TATDN2: variants seen among roughly 807,000 people sequenced by gnomAD.
The protein encoded by TATDN2 is TatD DNase domain containing 2.
A neutral mutation model predicts 60.3 loss-of-function variants in TATDN2; 44 were observed. That is an observed-to-expected ratio of 0.73 (90% confidence interval 0.57 to 0.94). The LOEUF (loss-of-function observed/expected upper bound fraction) is 0.94. Ranked by LOEUF, TATDN2 falls within the 40% of genes least tolerant of loss-of-function variation. The pLI, the probability that TATDN2 is intolerant of heterozygous loss-of-function variation, is 0.00. For missense variants in TATDN2, 997 were observed against 948.0 expected (o/e 1.05, Z -0.68); for synonymous variants, 399 against 355.8 (o/e 1.12, Z -1.37).
In TATDN2 at chr3:10,270,375, C is replaced by T. The variant is rs758008127; in HGVS notation, c.1193C>T (p.Thr398Ile). Residue 398 changes from threonine to isoleucine, a missense_variant, in exon 4 of 8, where the codon ACA becomes ATA. Physicochemically the swap from Thr to Ile is moderately conservative, Grantham distance 89. Transcript: ENST00000448281. Reference sequence around the variant, plus strand: ...CCCAAGCCTTCTAGCTACCCCTCCACAGGCAGCAGCAGCAACGATGCAGCC... The same window carrying T: ...CCCAAGCCTTCTAGCTACCCCTCCATAGGCAGCAGCAGCAACGATGCAGCC... ...SSPKPSSYPS[T>I]GSSSNDAAQV... The T allele has an allele frequency of 1.9e-6, 3 of 1,614,188 alleles. No individual in the cohort carries two copies. Among genetic ancestry groups the T allele is most frequent in the Non-Finnish European group, 2.5e-6 (3 of 1,180,042 alleles).
At chr3:10,251,490 A>G (rs780500645) in intron 2 of TATDN2, among the ~76,000 whole-genome samples, 4 of 152,102 alleles carry the variant, frequency 2.6e-5, no homozygotes, top group East Asian at 1.9e-4. Context: ...GGTTCAAACA[A>G]TTCTCCTGCC....
intron 2 of TATDN2, 55 bp from the exon 3 acceptor site, chr3:10,260,082 C>T (rs1698376058): frequency 6.5e-7 from 1 of 1,544,474 alleles, no homozygotes; most frequent in African/African-American, 1.4e-5. Flanking sequence ...CCAAATGCTT[C>T]ATGTACGAAA....
Position 10,270,773 on chromosome 3 carries a change from C to A in TATDN2, c.1591C>A (p.Gln531Lys). The A allele has an allele frequency of 6.2e-7, 1 of 1,614,228 alleles. No homozygotes were observed. Residue 531 changes from glutamine (Q) to lysine (K), a missense_variant, in exon 4 of 8, where the codon CAG becomes AAG. Gln to Lys is a moderately conservative substitution (Grantham distance 53). Coordinates refer to ENST00000448281, the MANE Select transcript of TATDN2 (RefSeq NM_014760.4). ...CAGCAGCTCCTTCCCTAAGGAATTT[C>A]AGGGCTGCATCTCTGACTTCTGTGA... ...IYSSSFPKEF[Q>K]GCISDFCDPR...
At chr3:10,265,043 G>A (rs1576010961) in intron 3 of TATDN2, among the ~76,000 whole-genome samples, 1 of 114,288 alleles carries the variant, frequency 8.7e-6, no homozygotes, top group African/African-American at 3.3e-5. Context: ...TCCTGTGCGT[G>A]GTTTTTTTTT....
Position 10,276,461 on chromosome 3 carries a change from T to C in TATDN2, c.1934T>C (p.Phe645Ser). Residue 645 changes from phenylalanine to serine, a missense_variant, in exon 5 of 8, where the codon TTT (phenylalanine) becomes TCT (serine). Physicochemically the swap from Phe to Ser is radical, Grantham distance 155 (BLOSUM62 -2). Transcript: ENST00000448281. ...DEDLLEIMKK[F>S]VPPDYKIHRH... ...GATCTGCTAGAAATCATGAAAAAGT[T>C]TGTGCCCCCTGACTACAAGATCCAT... The C allele has an allele frequency of 6.2e-7, 1 of 1,614,104 alleles. No individual in the cohort carries two copies.
intron 3 of TATDN2, among the ~76,000 whole-genome samples, chr3:10,265,567 A>C (rs1439989984): frequency 1.3e-5 from 2 of 148,776 alleles, no homozygotes; most frequent in African/African-American, 2.5e-5. Context: ...CTGTAGTCCC[A>C]GGTGCTGGGG....
At chr3:10,272,487 G>A (rs1219137710) in intron 4 of TATDN2, among the ~76,000 whole-genome samples, 1 of 151,098 alleles carries the variant, frequency 6.6e-6, no homozygotes. Flanking sequence ...TGGCCAGGCT[G>A]GAGTGCAATC....
In TATDN2 at chr3:10,278,434, C is replaced by T. The variant is rs751129169; in HGVS notation, c.2117C>T (p.Thr706Met). The T allele has an allele frequency of 4.5e-5, 73 of 1,613,470 alleles. No homozygotes were observed. The highest frequency in any genetic ancestry group is 1.7e-5 in the Admixed American group (1 of 60,000). The stretch of plus-strand genomic sequence containing the variant: ...CCACTGGAGAGAATCATCGTGGAAA[C>T]GGATGCTCCCTATTTCCTCCCTCGC... ...QIPLERIIVE[T>M]DAPYFLPRQV... Residue 706 changes from threonine to methionine, a missense_variant, in exon 6 of 8, where the codon ACG becomes ATG. Coordinates refer to ENST00000448281, the MANE Select transcript of TATDN2 (RefSeq NM_014760.4). The surrounding 1 kb of genome is among the most constrained non-coding windows in gnomAD (Gnocchi z 4.7).
rs955627552 is a variant in TATDN2 at position 10,248,957 on chromosome 3, G to T, written c.-117G>T. 9 of 425,450 alleles carry T rather than the reference G, an allele frequency of 2.1e-5. No homozygotes were observed. The highest frequency in any genetic ancestry group is 3.2e-5 in the Non-Finnish European group (8 of 247,992). The allele number at this position is 425,450 out of a possible 1,614,324, so 26.4% of individuals were successfully genotyped here. ...ATCTCAGAAGCACGTTGTGGGCTTG[G>T]AAACCGACGGCAGCCTTTAGTCAAT... On this transcript the variant is annotated 5_prime_UTR_variant, in exon 1 of 8. Transcript: ENST00000448281.
At chr3:10,261,153 C>T (rs1290719449) in intron 3 of TATDN2, among the ~76,000 whole-genome samples, 1 of 152,154 alleles carries the variant, frequency 6.6e-6, no homozygotes, top group Non-Finnish European at 1.5e-5. Context: ...CTGTTAAGAG[C>T]TTGGCTCAAG....
chr3:10,276,092 G>C (rs1698633044), intron 4 of TATDN2, among the ~76,000 whole-genome samples: 1 of 152,220 alleles, frequency 6.6e-6, no homozygotes, highest in Admixed American at 6.5e-5. Context: ...ATAGCTGCTG[G>C]CTGCAAGTTA....
intron 3 of TATDN2, among the ~76,000 whole-genome samples, chr3:10,264,356 G>T (rs752527438): frequency 6.6e-6 from 1 of 152,168 alleles, no homozygotes; most frequent in Non-Finnish European, 1.5e-5. Context: ...CTAGCCTCCA[G>T]TGCGTGATCA....
Position 10,278,639 on chromosome 3 carries a change from C to T in TATDN2, c.2145+177C>T, listed in dbSNP as rs781260983. On this transcript the variant is annotated intron_variant, in intron 6 of 7. Coordinates refer to ENST00000448281, the MANE Select transcript of TATDN2 (RefSeq NM_014760.4). This position sits in a 1 kb window ranked among gnomAD's most constrained non-coding sequence, Gnocchi z 4.7. Reference sequence around the variant, plus strand: ...ACCAAAAGTCTAGGGGGCTGAGAAGCTGAAGGGTAACCACTCTCTTCCAGG... The same window carrying T: ...ACCAAAAGTCTAGGGGGCTGAGAAGTTGAAGGGTAACCACTCTCTTCCAGG... 9.8e-7 allele frequency: 1 copy of T among 1,018,318 alleles called. No homozygotes were observed. The highest frequency in any genetic ancestry group is 1.5e-6 in the Non-Finnish European group (1 of 668,506). The allele number at this position is 1,018,318 out of a possible 1,614,324, so 63.1% of individuals were successfully genotyped here.
intron 3 of TATDN2, among the ~76,000 whole-genome samples, chr3:10,266,931 C>CTTTCTTTTT (rs1698484849): frequency 7.9e-6 from 1 of 126,904 alleles, no homozygotes; most frequent in Non-Finnish European, 1.6e-5. Flanking sequence ...CTAAGGCAGT[C>CTTTCTTTTT]TTTTTTTTTT....
chr3:10,270,343 C>T lies in TATDN2; in HGVS notation c.1161C>T (p.Thr387=). ...SPWCDYASYW[T]SSPKPSSYPS... is the part of the protein sequence containing the mutation. ...GGTGTGACTACGCCAGCTATTGGAC[C>T]AGCAGCCCCAAGCCTTCTAGCTACC... The change falls in exon 4 of 8, where the codon ACC becomes ACT. Residue 387 remains threonine (T), a synonymous_variant. Transcript: ENST00000448281. The T allele has an allele frequency of 1.9e-6, 3 of 1,614,118 alleles. No individual in the cohort carries two copies. The highest frequency in any genetic ancestry group is 2.5e-6 in the Non-Finnish European group (3 of 1,180,020).
chr3:10,278,333 C>G lies in TATDN2; in HGVS notation c.2016C>G (p.Pro672=). The G allele has an allele frequency of 6.2e-7, 1 of 1,614,174 alleles. No individual in the cohort carries two copies. The highest frequency in any genetic ancestry group is 8.5e-7 in the Non-Finnish European group (1 of 1,180,038). ...TTGAGCCCCTGCTGAAGTACTTTCC[C>G]AACATGTCTGTGGGCTTCACGGCAG... is the stretch of plus-strand genomic sequence containing the variant. ...PVIEPLLKYF[P]NMSVGFTAVL... is the part of the protein sequence containing the mutation. The change falls in exon 6 of 8, where the codon CCC becomes CCG. Residue 672 remains proline, a synonymous_variant. Transcript: ENST00000448281. This position sits in a 1 kb window ranked among gnomAD's most constrained non-coding sequence, Gnocchi z 4.7.
At position 10,278,514 on chromosome 3, in the gene TATDN2, G is replaced by C. The variant is rs1286349907; in HGVS notation, c.2145+52G>C. 1 of 1,595,874 alleles carries C rather than the reference G, an allele frequency of 6.3e-7. No individual in the cohort carries two copies. Among genetic ancestry groups the C allele is most frequent in the South Asian group, 1.1e-5 (1 of 89,874 alleles). On this transcript the variant is annotated intron_variant, in intron 6 of 7. Coordinates refer to ENST00000448281, the MANE Select transcript of TATDN2 (RefSeq NM_014760.4). This position sits in a 1 kb window ranked among gnomAD's most constrained non-coding sequence, Gnocchi z 4.7. The stretch of plus-strand genomic sequence containing the variant: ...GGCACCGGAGGGAGAGGGTGGGGAG[G>C]TGGGTGGTCACCCTTACAAGGTTGG...
intron 3 of TATDN2, among the ~76,000 whole-genome samples, chr3:10,266,385 C>A (rs1698474724): frequency 6.6e-6 from 1 of 152,140 alleles, no homozygotes; most frequent in South Asian, 2.1e-4. Context: ...GACTGGACGA[C>A]AATTAGGTTT....
chr3:10,252,343 C>A (rs1698243732), intron 2 of TATDN2, among the ~76,000 whole-genome samples: 1 of 151,926 alleles, frequency 6.6e-6, no homozygotes, highest in Admixed American at 6.6e-5. Flanking sequence ...GGGCTCTACA[C>A]AGAAAAGGAA....
Sources: gnomAD v4.1 joint callset for allele counts (sites outside exome capture counted in the v4.1 genomes callset) on GRCh38, gnomAD v4.1.1 for gene constraint, Gnocchi (gnomAD v3.1) non-coding constraint, MANE v1.5 for transcripts, NCBI Gene and HGNC (gene_info 2026-07-23, HGNC 2026-07-21) for gene names.